CNOT2: variants seen among roughly 807,000 people sequenced by gnomAD.
CNOT2 encodes the protein CC chemokine receptor 4-negative regulator of transcription 2.
In CNOT2, 7 loss-of-function variants were observed where a neutral mutation model predicts 72.1. That is an observed-to-expected ratio of 0.10 (90% confidence interval 0.06 to 0.18). CNOT2 has a LOEUF of 0.18. Ranked by LOEUF, CNOT2 falls within the 10% of genes least tolerant of loss-of-function variation. CNOT2 has a pLI of 1.00. For synonymous variants in CNOT2, 196 were observed against 225.6 expected, an observed-to-expected ratio of 0.87 and a Z score of 1.17; for missense variants, 345 against 660.3, an observed-to-expected ratio of 0.52 and a Z score of 5.23.
intron 1 of CNOT2, among the ~76,000 whole-genome samples, chr12:70,256,114 A>G (rs1381801244): frequency 1.3e-5 from 2 of 152,198 alleles, no homozygotes; most frequent in Non-Finnish European, 2.9e-5. Context: ...ATTCCTCAGA[A>G]TAATTTATAT....
At chr12:70,336,325 G>T (rs1401011840) in intron 8 of CNOT2, 1 of 152,036 alleles carries the variant, frequency 6.6e-6, no homozygotes, top group Admixed American at 6.6e-5. Flanking sequence ...AGGGATAAAT[G>T]GAAATAAAGG....
chr12:70,312,861 T>C (rs1876704228), intron 3 of CNOT2, among the ~76,000 whole-genome samples: 1 of 151,984 alleles, frequency 6.6e-6, no homozygotes, highest in Non-Finnish European at 1.5e-5. Context: ...AGGTAAATTA[T>C]ACAAATTTTT....
In CNOT2 at chr12:70,335,430, T is replaced by C; in HGVS notation, c.650-8T>C. 1 of 1,587,676 alleles carries C rather than the reference T, an allele frequency of 6.3e-7. No homozygotes were observed. Among genetic ancestry groups the C allele is most frequent in the South Asian group, 1.1e-5 (1 of 90,210 alleles). On this transcript the variant is annotated splice_polypyrimidine_tract_variant and splice_region_variant and intron_variant, in intron 7 of 15. Coordinates refer to ENST00000229195, the MANE Select transcript of CNOT2 (RefSeq NM_014515.7). ...AATCAATAACCAGTGTCCTTTCTTA[T>C]TATTTAGACGGAAGTGAAAATGTGA...
chr12:70,339,936 CA>C (rs1881271018), intron 11 of CNOT2, among the ~76,000 whole-genome samples: 3 of 152,180 alleles, frequency 2.0e-5, no homozygotes, highest in Admixed American at 2.0e-4. Flanking sequence ...GTTCTACTTA[CA>C]ACACATTTTC....
At chr12:70,265,276 T>TTCTCC in intron 1 of CNOT2, among the ~76,000 whole-genome samples, 1 of 114,844 alleles carries the variant, frequency 8.7e-6, no homozygotes, top group Non-Finnish European at 1.8e-5. Context: ...GTTTTGTTTC[T>TTCTCC]TCTCTTCTCT....
intron 2 of CNOT2, among the ~76,000 whole-genome samples, chr12:70,307,123 C>G (rs1484416547): frequency 6.6e-6 from 1 of 152,114 alleles, no homozygotes; most frequent in East Asian, 1.9e-4. Context: ...AATGTAAAGG[C>G]TTAGGACATT....
At chr12:70,320,221 T>G (rs75408807) in intron 4 of CNOT2, among the ~76,000 whole-genome samples, 14,452 of 151,674 alleles carry the variant, frequency 0.095, 890 homozygotes, top group Middle Eastern at 0.19. Context: ...GAAGAAGACA[T>G]CTGATGACTA....
At chr12:70,341,785 C>T (rs563483276) in intron 11 of CNOT2, among the ~76,000 whole-genome samples, 16 of 152,138 alleles carry the variant, frequency 1.1e-4, no homozygotes, top group African/African-American at 3.9e-4. Flanking sequence ...ATATTGGGAG[C>T]ATGGTATTGA....
intron 2 of CNOT2, among the ~76,000 whole-genome samples, chr12:70,296,654 G>GTT (rs200096426): frequency 2.1e-5 from 3 of 143,208 alleles, no homozygotes; most frequent in African/African-American, 2.6e-5. Flanking sequence ...CACATGAAGA[G>GTT]TTTTTTTTTT....
At chr12:70,314,004 T>C (rs1876906172) in intron 3 of CNOT2, among the ~76,000 whole-genome samples, 1 of 152,182 alleles carries the variant, frequency 6.6e-6, no homozygotes, top group African/African-American at 2.4e-5. Context: ...TGGGTAAGAA[T>C]CTTTGACATC....
intron 4 of CNOT2, among the ~76,000 whole-genome samples, chr12:70,320,414 C>CT: frequency 6.6e-6 from 1 of 151,698 alleles, no homozygotes; most frequent in Non-Finnish European, 1.5e-5. Flanking sequence ...TTTTTTCTGT[C>CT]TATCTTTTGT....
intron 3 of CNOT2, among the ~76,000 whole-genome samples, chr12:70,316,811 T>A (rs1241276603): frequency 6.6e-6 from 1 of 151,976 alleles, no homozygotes; most frequent in African/African-American, 2.4e-5. Flanking sequence ...CCCTACTTAC[T>A]CCCTCCTCCC....
rs964026471 is a variant in CNOT2 at position 70,304,511 on chromosome 12, A to C, written c.49-6384A>C. Among the ~76,000 whole-genome samples, 10 of 152,328 alleles carry C rather than the reference A, an allele frequency of 6.6e-5. 1 individual carries two copies. Among genetic ancestry groups the C allele is most frequent in the African/African-American group, 2.4e-4 (10 of 41,590 alleles). ...GGGTATCAGCAGCGGTGGCTGCAGA[A>C]GAGCAGATATTGGTGAACCACAAAT... is the stretch of plus-strand genomic sequence containing the variant. On this transcript the variant is annotated intron_variant, in intron 2 of 15. Transcript: ENST00000229195.
At chr12:70,263,965 G>C (rs1001587049) in intron 1 of CNOT2, among the ~76,000 whole-genome samples, 13 of 152,178 alleles carry the variant, frequency 8.5e-5, no homozygotes, top group African/African-American at 2.9e-4. Context: ...GGATGACAGT[G>C]ATTTTAGTAG....
At chr12:70,248,217 T>C (rs189671582) in intron 1 of CNOT2, among the ~76,000 whole-genome samples, 1 of 152,204 alleles carries the variant, frequency 6.6e-6, no homozygotes, top group Non-Finnish European at 1.5e-5. Flanking sequence ...AGATTCTGTT[T>C]TTCTCACCTT....
At chr12:70,337,738 T>G in intron 9 of CNOT2, 1 of 559,326 alleles carries the variant, frequency 1.8e-6, no homozygotes, top group South Asian at 1.5e-5. Context: ...TCAGAGTTAA[T>G]TTAGACTTTT....
chr12:70,260,353 T>C (rs1958687236), intron 1 of CNOT2, among the ~76,000 whole-genome samples: 1 of 152,184 alleles, frequency 6.6e-6, no homozygotes, highest in South Asian at 2.1e-4. Flanking sequence ...TGTATTACTT[T>C]TGTTAAACTT....
intron 14 of CNOT2, 56 bp from the exon 15 acceptor site, chr12:70,346,124 A>G (rs1882140137): frequency 1.7e-6 from 2 of 1,178,262 alleles, no homozygotes; most frequent in East Asian, 2.4e-5. Context: ...AATGTAGAAC[A>G]TGTTTGATGT....
intron 1 of CNOT2, chr12:70,243,909 A>AGCGGCC (rs1413970274): frequency 6.6e-6 from 1 of 152,152 alleles, no homozygotes; most frequent in Non-Finnish European, 1.5e-5. Context: ...AGAAGGCGGC[A>AGCGGCC]GCGGCCGTGG....
Sources: gnomAD v4.1 joint callset for allele counts (sites outside exome capture counted in the v4.1 genomes callset) on GRCh38, gnomAD v4.1.1 for gene constraint, MANE v1.5 for transcripts, NCBI Gene and HGNC (gene_info 2026-07-23, HGNC 2026-07-21) for gene names.